Variants in FBLN5 observed in about 807,000 individuals in gnomAD.
FBLN5 encodes the protein fibulin-5.
In FBLN5, 24 loss-of-function variants were observed where a neutral mutation model predicts 61.6. The observed-to-expected ratio is 0.39, with a 90% CI of 0.28 to 0.55. The LOEUF (loss-of-function observed/expected upper bound fraction) is 0.55, where lower values mean the gene tolerates loss of function less well. Among genes scored for constraint, FBLN5 ranks in the 20% least tolerant of loss-of-function variants. FBLN5 has a pLI of 0.65. For synonymous variants in FBLN5, 213 were observed against 219.8 expected (o/e 0.97, Z 0.27); for missense variants, 470 against 594.1 (o/e 0.79, Z 2.17).
At position 91,870,205 on chromosome 14, in the gene FBLN5, G is replaced by C. The variant is rs762713389; in HGVS notation, c.*19C>G. ...CTTGGTGCCAATGAGAGGCAGCGTC[G>C]GAGGCTCCAGCCCGAGGCTCAGAAT... On this transcript the variant is annotated 3_prime_UTR_variant, in exon 11 of 11. Transcript: ENST00000342058. The C allele has an allele frequency of 1.9e-6, 3 of 1,613,082 alleles. No individual in the cohort carries two copies. Among genetic ancestry groups the C allele is most frequent in the Non-Finnish European group, 1.7e-6 (2 of 1,179,066 alleles).
intron 4 of FBLN5, among the ~76,000 whole-genome samples, chr14:91,905,577 T>G (rs1890649121): frequency 9.2e-6 from 1 of 108,316 alleles, no homozygotes; most frequent in Non-Finnish European, 1.8e-5. Context: ...ACTAAGAATA[T>G]GAGCTTTTTT....
intron 4 of FBLN5, among the ~76,000 whole-genome samples, chr14:91,904,537 T>C (rs1487408137): frequency 1.3e-5 from 2 of 152,254 alleles, no homozygotes; most frequent in Non-Finnish European, 2.9e-5. Context: ...GGGGCTGCTC[T>C]GACAAGAACG....
chr14:91,937,791 T>C (rs1052658393), intron 3 of FBLN5, among the ~76,000 whole-genome samples: 5 of 152,182 alleles, frequency 3.3e-5, no homozygotes, highest in African/African-American at 1.2e-4. Context: ...AATAAATTCC[T>C]CTTCTTTATA....
At chr14:91,892,529 T>G (rs1241721854) in intron 5 of FBLN5, among the ~76,000 whole-genome samples, 1 of 152,220 alleles carries the variant, frequency 6.6e-6, no homozygotes, top group East Asian at 1.9e-4. Flanking sequence ...TGCCCTGTCC[T>G]GTGATTCTGT....
At chr14:91,933,557 C>T (rs557700249) in intron 4 of FBLN5, among the ~76,000 whole-genome samples, 24 of 152,238 alleles carry the variant, frequency 1.6e-4, no homozygotes, top group Admixed American at 5.2e-4. Flanking sequence ...CATGAGCCAC[C>T]GTGCCTGGCC....
At chr14:91,919,624 C>T (rs780679040) in intron 4 of FBLN5, among the ~76,000 whole-genome samples, 4 of 152,168 alleles carry the variant, frequency 2.6e-5, no homozygotes, top group African/African-American at 9.7e-5. Flanking sequence ...CCCGTTATAG[C>T]GGGCCCTACT....
At chr14:91,891,541 T>G (rs1889998105) in intron 5 of FBLN5, among the ~76,000 whole-genome samples, 1 of 152,072 alleles carries the variant, frequency 6.6e-6, no homozygotes, top group South Asian at 2.1e-4. Flanking sequence ...ATCTTTCCCC[T>G]CCTCGACCCA....
Position 91,947,575 on chromosome 14 carries a change from C to T in FBLN5, c.-346G>A, listed in dbSNP as rs1319207931. The stretch of plus-strand genomic sequence containing the variant: ...GACACAGCTGGTTCAGATTACAGCG[C>T]TCACCAACTGGCTAGACTCCTCACA... On this transcript the variant is annotated 5_prime_UTR_variant, in exon 1 of 11. Coordinates refer to ENST00000342058, the MANE Select transcript of FBLN5 (RefSeq NM_006329.4). This position sits in a 1 kb window ranked among gnomAD's most constrained non-coding sequence, Gnocchi z 4.3. 1.2e-5 allele frequency: 5 copies of T among 404,770 alleles called. No homozygotes were observed. Among genetic ancestry groups the T allele is most frequent in the Admixed American group, 3.6e-5 (1 of 27,452 alleles). The allele number at this position is 404,770 out of a possible 1,614,324, so 25.1% of individuals were successfully genotyped here.
intron 10 of FBLN5, 43 bp from the exon 11 acceptor site, chr14:91,870,428 T>C: frequency 6.2e-7 from 1 of 1,608,676 alleles, no homozygotes; most frequent in Non-Finnish European, 8.5e-7. Flanking sequence ...AAGGCCTGCA[T>C]GGTGGCCCTG....
chr14:91,938,223 G>T (rs1024658458), intron 3 of FBLN5: 1 of 153,044 alleles, frequency 6.5e-6, no homozygotes, highest in Non-Finnish European at 1.5e-5. Context: ...TTGGGAGGCC[G>T]AGGCAGGTGG....
In FBLN5 at chr14:91,869,850, G is replaced by A. The variant is rs561938229; in HGVS notation, c.*374C>T. The A allele has an allele frequency of 3.0e-6, 1 of 334,718 alleles. No homozygotes were observed. Among genetic ancestry groups the A allele is most frequent in the Admixed American group, 4.1e-5 (1 of 24,420 alleles). The allele number at this position is 334,718 out of a possible 1,614,324, so 20.7% of individuals were successfully genotyped here. A position where few individuals can be genotyped will look rare whatever the true frequency, so the allele number is the denominator to read the frequency against. ...TAACACAGTGAGAGAAGGAGTGGAAGAGGTGAAGAAGTGACAGCAAGCTGT... is the reference window on the plus strand; with the variant it reads ...TAACACAGTGAGAGAAGGAGTGGAAAAGGTGAAGAAGTGACAGCAAGCTGT... On this transcript the variant is annotated 3_prime_UTR_variant, in exon 11 of 11. Coordinates refer to ENST00000342058, the MANE Select transcript of FBLN5 (RefSeq NM_006329.4).
At position 91,907,746 on chromosome 14, in the gene FBLN5, T is replaced by C. The variant is rs150657522; in HGVS notation, c.380-12674A>G. 2.0e-4 allele frequency among the ~76,000 whole-genome samples: 31 copies of C among 152,066 alleles called. No homozygotes were observed. In the East Asian group the frequency reaches 5.2e-3, roughly 26 times the overall value. ...AAAGAGATGGATGAAGAAGGAAAAG[T>C]AGAGAGAAAAGAAGGAGTAAAAACA... On this transcript the variant is annotated intron_variant, in intron 4 of 10. Transcript: ENST00000342058.
intron 4 of FBLN5, among the ~76,000 whole-genome samples, chr14:91,911,936 T>C (rs1431545574): frequency 6.6e-6 from 1 of 152,230 alleles, no homozygotes; most frequent in Admixed American, 6.5e-5. Context: ...GAAGACCTCC[T>C]CATCTGATGT....
rs190217749 is a variant in FBLN5 at position 91,870,941 on chromosome 14, G to A, written c.1186-556C>T. 2.6e-3 allele frequency among the ~76,000 whole-genome samples: 401 copies of A among 152,258 alleles called. 1 individual carries two copies. Among genetic ancestry groups the A allele is most frequent in the Non-Finnish European group, 3.6e-3 (246 of 68,004 alleles). On this transcript the variant is annotated intron_variant, in intron 10 of 10. Transcript: ENST00000342058. ...TCTGGGGCTCATCTCTCAAATGAGG[G>A]TTTGGCATTGAGTACATACACATGG...
intron 4 of FBLN5, among the ~76,000 whole-genome samples, chr14:91,927,014 A>G (rs1479575762): frequency 3.3e-5 from 5 of 152,310 alleles, no homozygotes; most frequent in Middle Eastern, 3.4e-3. Flanking sequence ...GTTCCACTGC[A>G]TCACACTCTC....
intron 4 of FBLN5, among the ~76,000 whole-genome samples, chr14:91,906,021 G>C (rs140991365): frequency 6.6e-6 from 1 of 152,082 alleles, no homozygotes; most frequent in African/African-American, 2.4e-5. Context: ...CGAATGGATG[G>C]GATTACAGGC....
At position 91,947,454 on chromosome 14, in the gene FBLN5, C is replaced by T. The variant is rs1212042679; in HGVS notation, c.-225G>A. The T allele has an allele frequency of 1.6e-6, 1 of 622,248 alleles. No individual in the cohort carries two copies. Among genetic ancestry groups the T allele is most frequent in the African/African-American group, 1.9e-5 (1 of 54,028 alleles). 38.5% of individuals were successfully genotyped at this position (622,248 alleles called of 1,614,324 possible). On this transcript the variant is annotated 5_prime_UTR_variant, in exon 1 of 11. An upstream open reading frame in the 5' UTR loses its in-frame stop. Coordinates refer to ENST00000342058, the MANE Select transcript of FBLN5 (RefSeq NM_006329.4). The surrounding 1 kb of genome is among the most constrained non-coding windows in gnomAD (Gnocchi z 4.3). ...GCACCTGGTTTTGCTTAGCCCTCTT[C>T]AGTAATTCAGCATTAAACCAATTGG... is the stretch of plus-strand genomic sequence containing the variant.
chr14:91,947,278 G>A lies in FBLN5; in HGVS notation c.-49C>T. 1.2e-6 allele frequency: 2 copies of A among 1,613,628 alleles called. No homozygotes were observed. The highest frequency in any genetic ancestry group is 8.5e-7 in the Non-Finnish European group (1 of 1,179,658). ...TGCGAAGGCGAGAAGAAAGCTCGCG[G>A]GCGGGACCCCCGGAGGAGCTCGGGC... is the stretch of plus-strand genomic sequence containing the variant. On this transcript the variant is annotated 5_prime_UTR_variant, in exon 1 of 11. Transcript: ENST00000342058. The surrounding 1 kb of genome is among the most constrained non-coding windows in gnomAD (Gnocchi z 4.3).
intron 4 of FBLN5, among the ~76,000 whole-genome samples, chr14:91,929,378 T>C (rs890586671): frequency 6.6e-6 from 1 of 152,164 alleles, no homozygotes; most frequent in East Asian, 1.9e-4. Context: ...TCAAAGTTAG[T>C]GGGGAAAAAT....
Sources: gnomAD v4.1 joint callset for allele counts (sites outside exome capture counted in the v4.1 genomes callset) on GRCh38, gnomAD v4.1.1 for gene constraint, Gnocchi (gnomAD v3.1) non-coding constraint, MANE v1.5 for transcripts, NCBI Gene and HGNC (gene_info 2026-07-23, HGNC 2026-07-21) for gene names.